ANGPT2: variants seen among roughly 807,000 people sequenced by gnomAD.
ANGPT2 encodes the protein angiopoietin 2.
In ANGPT2, 28 loss-of-function variants were observed where a neutral mutation model predicts 62.9. That is an observed-to-expected ratio of 0.44 (90% CI 0.33 to 0.61). The LOEUF is 0.61. ANGPT2 is among the 20% of genes least tolerant of loss of function. The pLI, the probability that ANGPT2 is intolerant of heterozygous loss-of-function variation, is 0.03. For missense variants in ANGPT2, 727 were observed against 594.9 expected (o/e 1.22, Z -2.31); for synonymous variants, 284 against 207.8 (o/e 1.37, Z -3.15).
intron 2 of ANGPT2, among the ~76,000 whole-genome samples, chr8:6,530,562 C>A (rs1337308705): frequency 1.3e-5 from 1 of 79,058 alleles, no homozygotes; most frequent in Non-Finnish European, 3.1e-5. Flanking sequence ...TACTTTTGGT[C>A]CAACCTAATA....
At chr8:6,512,125 A>G (rs1173882142) in intron 7 of ANGPT2, among the ~76,000 whole-genome samples, 1 of 152,142 alleles carries the variant, frequency 6.6e-6, no homozygotes, top group African/African-American at 2.4e-5. Flanking sequence ...CCATAATGAG[A>G]ATAGTGAATA....
intron 1 of ANGPT2, among the ~76,000 whole-genome samples, chr8:6,535,577 G>T (rs1820333290): frequency 2.0e-5 from 3 of 151,992 alleles, no homozygotes; most frequent in Admixed American, 2.0e-4. Context: ...ATACAGATAG[G>T]TATATAGCAT....
intron 1 of ANGPT2, among the ~76,000 whole-genome samples, chr8:6,538,762 C>G (rs879675065): frequency 2.0e-5 from 3 of 152,194 alleles, no homozygotes; most frequent in Non-Finnish European, 4.4e-5. Context: ...AATGTTCTTG[C>G]TTGCTTGGTG....
At chr8:6,507,463 C>T (rs1352203485) in intron 8 of ANGPT2, 2 of 151,934 alleles carry the variant, frequency 1.3e-5, no homozygotes, top group Admixed American at 6.6e-5. Context: ...CAAGAACTAA[C>T]TTGACAGCAT....
rs529101459 is a variant in ANGPT2, at chr8:6,513,533, C to G, written c.1196+145G>C. On this transcript the variant is annotated intron_variant, in intron 7 of 8. Coordinates refer to ENST00000629816, the MANE Select transcript of ANGPT2 (RefSeq NM_001118887.2). ...TACTTCTAGTAGAGACAGGGTTTCACTTTGTTTGCCAGGATGGTCTCAATC... is the reference window on the plus strand; with the variant it reads ...TACTTCTAGTAGAGACAGGGTTTCAGTTTGTTTGCCAGGATGGTCTCAATC... 801 of 556,042 alleles carry G rather than the reference C, an allele frequency of 1.4e-3. 2 individuals are homozygous for G. The highest frequency in any genetic ancestry group is 1.9e-3 in the Non-Finnish European group (644 of 346,778). The allele number at this position is 556,042 out of a possible 1,614,324, so 34.4% of individuals were successfully genotyped here.
At position 6,530,257 on chromosome 8, in the gene ANGPT2, C is replaced by T. The variant is rs551422534; in HGVS notation, c.444+2075G>A. Among the ~76,000 whole-genome samples, 6 of 152,118 alleles carry T rather than the reference C, an allele frequency of 3.9e-5. No homozygotes were observed. The East Asian group carries it at 9.7e-4, about 25-fold the overall frequency. ...GTACGGTGGCTCACGCCTGTGATCC[C>T]AGCAGTTTGGGAGGCCAAGGCAGGT... is the stretch of plus-strand genomic sequence containing the variant. On this transcript the variant is annotated intron_variant, in intron 2 of 8. Coordinates refer to ENST00000629816, the MANE Select transcript of ANGPT2 (RefSeq NM_001118887.2).
intron 2 of ANGPT2, among the ~76,000 whole-genome samples, chr8:6,531,478 G>A (rs1249924198): frequency 1.3e-5 from 2 of 151,976 alleles, no homozygotes; most frequent in Admixed American, 1.3e-4. Context: ...TTTTAGTAGA[G>A]ACGGGTTTTC....
chr8:6,521,085 G>T, intron 4 of ANGPT2, 93 bp downstream of exon 4: 1 of 876,344 alleles, frequency 1.1e-6, no homozygotes, highest in Non-Finnish European at 1.8e-6. Context: ...GAGAAATAGC[G>T]CCTTTTCTGA....
chr8:6,560,953 A>G (rs1222846154), intron 1 of ANGPT2, among the ~76,000 whole-genome samples: 1 of 152,246 alleles, frequency 6.6e-6, no homozygotes, highest in African/African-American at 2.4e-5. Flanking sequence ...CCTGTCGGGC[A>G]GATTAGAATA....
chr8:6,515,157 G>A (rs553781172), intron 5 of ANGPT2, among the ~76,000 whole-genome samples: 59 of 152,158 alleles, frequency 3.9e-4, no homozygotes, highest in Non-Finnish European at 6.5e-4. Flanking sequence ...TCTCCATCCT[G>A]TAGAAAACCA....
chr8:6,523,154 T>C (rs1817682570), intron 3 of ANGPT2, among the ~76,000 whole-genome samples: 1 of 152,046 alleles, frequency 6.6e-6, no homozygotes, highest in African/African-American at 2.4e-5. Context: ...CATGTCACCA[T>C]GTCAGGCTAA....
At position 6,502,897 on chromosome 8, in the gene ANGPT2, T is replaced by A; in HGVS notation, c.*204A>T. 1 of 565,562 alleles carries A rather than the reference T, an allele frequency of 1.8e-6. No homozygotes were observed. The highest frequency in any genetic ancestry group is 3.1e-6 in the Non-Finnish European group (1 of 324,274). The allele number at this position is 565,562 out of a possible 1,614,324, so 35.0% of individuals were successfully genotyped here. Reference sequence around the variant, plus strand: ...CTGTCTAATCACAATTATGGATGTTTAGGGTCTTGCTTTGGTCCGTTAAGT... The same window carrying A: ...CTGTCTAATCACAATTATGGATGTTAAGGGTCTTGCTTTGGTCCGTTAAGT... On this transcript the variant is annotated 3_prime_UTR_variant, in exon 9 of 9. Coordinates refer to ENST00000629816, the MANE Select transcript of ANGPT2 (RefSeq NM_001118887.2).
rs910758467 is a variant in ANGPT2 at position 6,527,447 on chromosome 8, A to C, written c.566+108T>G. On this transcript the variant is annotated intron_variant, in intron 3 of 8. Coordinates refer to ENST00000629816, the MANE Select transcript of ANGPT2 (RefSeq NM_001118887.2). ...CCCTCATGAGGTTTCTGACCCTTAC[A>C]CTAGACATGAAGAAACTCACCATTC... The C allele has an allele frequency of 2.9e-6, 4 of 1,390,092 alleles. No individual in the cohort carries two copies. The East Asian group carries it at 7.2e-5, about 25-fold the overall frequency. 86.1% of individuals were successfully genotyped at this position (1,390,092 alleles called of 1,614,324 possible).
intron 3 of ANGPT2, among the ~76,000 whole-genome samples, chr8:6,526,327 A>C (rs192827679): frequency 6.7e-6 from 1 of 150,352 alleles, no homozygotes; most frequent in East Asian, 2.0e-4. Flanking sequence ...CCAGCTACTC[A>C]GGAGGCTGAC....
intron 1 of ANGPT2, among the ~76,000 whole-genome samples, chr8:6,553,338 A>G (rs1187459842): frequency 6.6e-6 from 1 of 152,198 alleles, no homozygotes; most frequent in African/African-American, 2.4e-5. Context: ...ACAAAATGTT[A>G]TTGTGTACTT....
chr8:6,543,295 G>C (rs532825417), intron 1 of ANGPT2, among the ~76,000 whole-genome samples: 1 of 152,186 alleles, frequency 6.6e-6, no homozygotes, highest in Non-Finnish European at 1.5e-5. Flanking sequence ...CTACTGACCC[G>C]CCGTCCGCAA....
chr8:6,510,738 T>G (rs1055518787), intron 7 of ANGPT2, among the ~76,000 whole-genome samples: 1 of 152,184 alleles, frequency 6.6e-6, no homozygotes, highest in African/African-American at 2.4e-5. Flanking sequence ...CAGAGATGTT[T>G]GTTTGTTGAA....
chr8:6,511,496 A>G (rs1307037397), intron 7 of ANGPT2, among the ~76,000 whole-genome samples: 1 of 152,188 alleles, frequency 6.6e-6, no homozygotes, highest in Non-Finnish European at 1.5e-5. Flanking sequence ...GCATTTATGC[A>G]TTTCTTATAA....
Position 6,529,904 on chromosome 8 carries a change from C to T in ANGPT2, c.445-2228G>A, listed in dbSNP as rs375534369. Among the ~76,000 whole-genome samples, 7 of 150,572 alleles carry T rather than the reference C, an allele frequency of 4.6e-5. No homozygotes were observed. The East Asian group carries it at 5.9e-4, about 13-fold the overall frequency. The stretch of plus-strand genomic sequence containing the variant: ...GGCGTTTTTTTTTTAAATCATATGA[C>T]GCAACACAAGTACATCAAATGCTAT... On this transcript the variant is annotated intron_variant, in intron 2 of 8. Transcript: ENST00000629816.
Sources: allele counts gnomAD v4.1 joint callset (sites outside exome capture counted in the v4.1 genomes callset), GRCh38; gene constraint gnomAD v4.1.1; transcripts MANE v1.5; gene names NCBI Gene and HGNC (gene_info 2026-07-23, HGNC 2026-07-21).